EYS: variants seen among roughly 807,000 people sequenced by gnomAD.
The protein encoded by EYS is protein eyes shut homolog.
Under a neutral mutation model 282.1 loss-of-function variants are expected in EYS, and 250 were observed. The observed-to-expected ratio is 0.89, with a 90% CI of 0.80 to 0.98. The LOEUF (loss-of-function observed/expected upper bound fraction) is 0.98. EYS is among the 50% of genes least tolerant of loss of function. The probability of loss-of-function intolerance (pLI) is 0.00; values close to 1 mark genes in which losing one functional copy is unlikely to be tolerated. For missense variants in EYS, 4,016 were observed against 3,709.0 expected (o/e 1.08, Z -2.15); for synonymous variants, 1,355 against 1,282.9 (o/e 1.06, Z -1.20).
intron 22 of EYS, among the ~76,000 whole-genome samples, chr6:64,757,741 T>C (rs1772995355): frequency 9.8e-6 from 1 of 102,016 alleles, no homozygotes; most frequent in African/African-American, 3.3e-5. Flanking sequence ...TTTCTTTTTT[T>C]CTTTGTGTGT....
At chr6:65,049,490 T>A (rs1231445803) in intron 13 of EYS, among the ~76,000 whole-genome samples, 1 of 151,776 alleles carries the variant, frequency 6.6e-6, no homozygotes, top group Non-Finnish European at 1.5e-5. Context: ...TTGACACATT[T>A]GAATAGATTT....
At chr6:64,209,854 A>G (rs977657325) in intron 31 of EYS, among the ~76,000 whole-genome samples, 1 of 152,122 alleles carries the variant, frequency 6.6e-6, no homozygotes, top group Admixed American at 6.6e-5. Context: ...TGGAAAGTCC[A>G]GTATCATTTC....
intron 33 of EYS, among the ~76,000 whole-genome samples, chr6:64,001,693 TAAAC>T (rs944293887): frequency 1.3e-5 from 2 of 152,200 alleles, no homozygotes; most frequent in Admixed American, 6.5e-5. Flanking sequence ...ATCCAGCTCT[TAAAC>T]AAGAGTTATA....
chr6:65,515,762 A>C lies in EYS; in HGVS notation c.-332-19769T>G, dbSNP rs559588619. Among the ~76,000 whole-genome samples, 999 of 124,648 alleles carry C rather than the reference A, an allele frequency of 8.0e-3. 13 individuals carry two copies. The highest frequency in any genetic ancestry group is 0.027 in the African/African-American group (887 of 32,494). 81.8% of individuals were successfully genotyped at this position (124,648 alleles called of 152,430 possible). ...ACAATGAGAACACACGGACACAGGA[A>C]GGGGAACATCACACTCTGGGGACTG... On this transcript the variant is annotated intron_variant, in intron 2 of 42. Coordinates refer to ENST00000503581, the MANE Select transcript of EYS (RefSeq NM_001142800.2).
chr6:64,077,111 A>G (rs1476765782), intron 32 of EYS, among the ~76,000 whole-genome samples: 1 of 151,974 alleles, frequency 6.6e-6, no homozygotes, highest in Non-Finnish European at 1.5e-5. Flanking sequence ...TCAGCCATCC[A>G]TGTTTGCAAC....
intron 35 of EYS, among the ~76,000 whole-genome samples, chr6:63,921,634 T>C (rs973693193): frequency 1.3e-5 from 2 of 152,114 alleles, no homozygotes; most frequent in Non-Finnish European, 2.9e-5. Flanking sequence ...TCCTTATGGA[T>C]AAAATCATAA....
At chr6:65,282,392 T>A (rs549532718) in intron 12 of EYS, among the ~76,000 whole-genome samples, 2 of 152,064 alleles carry the variant, frequency 1.3e-5, no homozygotes, top group Admixed American at 1.3e-4. Context: ...AACAATATAC[T>A]GAATAACAAA....
intron 1 of EYS, among the ~76,000 whole-genome samples, chr6:65,690,740 C>G (rs949657024): frequency 1.3e-5 from 2 of 150,018 alleles, no homozygotes; most frequent in African/African-American, 4.9e-5. Context: ...AGCCCCCCAG[C>G]CCACAACAGG....
At chr6:63,851,086 A>G (rs755297380) in intron 36 of EYS, among the ~76,000 whole-genome samples, 1 of 152,256 alleles carries the variant, frequency 6.6e-6, no homozygotes, top group Non-Finnish European at 1.5e-5. Context: ...GAAGGGCATT[A>G]CATAATGTAA....
At chr6:64,885,511 T>C (rs949416002) in intron 19 of EYS, among the ~76,000 whole-genome samples, 1 of 151,778 alleles carries the variant, frequency 6.6e-6, no homozygotes, top group African/African-American at 2.4e-5. Flanking sequence ...GTGAATGGCA[T>C]TGCTGAGTGG....
intron 30 of EYS, among the ~76,000 whole-genome samples, chr6:64,276,410 C>G (rs1236741902): frequency 6.6e-6 from 1 of 152,084 alleles, no homozygotes; most frequent in Admixed American, 6.6e-5. Flanking sequence ...CAATGAGTTC[C>G]ATCATAGTTC....
At chr6:64,426,829 C>T (rs1774425316) in intron 28 of EYS, among the ~76,000 whole-genome samples, 1 of 152,128 alleles carries the variant, frequency 6.6e-6, no homozygotes, top group East Asian at 1.9e-4. Flanking sequence ...AAATGGAAGT[C>T]TCCAGCTATG....
chr6:65,704,539 T>C lies in EYS; in HGVS notation c.-448+2596A>G, dbSNP rs149119315. 5.9e-5 allele frequency among the ~76,000 whole-genome samples: 9 copies of C among 152,334 alleles called. No homozygotes were observed. In the East Asian group the frequency reaches 1.7e-3, roughly 29 times the overall value. ...GTGTGCTTGATGGAGAGTATATCTC[T>C]TCAGACTTTGATGTGGTTCTATTTC... On this transcript the variant is annotated intron_variant, in intron 1 of 42. Coordinates refer to ENST00000503581, the MANE Select transcript of EYS (RefSeq NM_001142800.2).
chr6:63,902,771 A>G (rs1047780246), intron 35 of EYS, among the ~76,000 whole-genome samples: 1 of 152,164 alleles, frequency 6.6e-6, no homozygotes, highest in Non-Finnish European at 1.5e-5. Flanking sequence ...TATGCTAAAA[A>G]TATTGACTGT....
Position 64,198,085 on chromosome 6 carries a change from C to T in EYS, c.6424+32507G>A, listed in dbSNP as rs562840112. On this transcript the variant is annotated intron_variant, in intron 31 of 42. Transcript: ENST00000503581. Reference sequence around the variant, plus strand: ...TCGGCTCACTGCAAGCTCCGCTTCCCGGGTTCACGCCATTCTCCTGCCTCA... The same window carrying T: ...TCGGCTCACTGCAAGCTCCGCTTCCTGGGTTCACGCCATTCTCCTGCCTCA... Among the ~76,000 whole-genome samples, 341 of 151,904 alleles carry T rather than the reference C, an allele frequency of 2.2e-3. 1 individual carries two copies. The highest frequency in any genetic ancestry group is 7.4e-3 in the African/African-American group (306 of 41,476).
At chr6:65,460,671 C>T (rs1764799830) in intron 5 of EYS, among the ~76,000 whole-genome samples, 1 of 152,078 alleles carries the variant, frequency 6.6e-6, no homozygotes, top group Admixed American at 6.6e-5. Context: ...CAGTCAAGTA[C>T]ATGAACATTT....
At chr6:64,160,542 G>C (rs926332486) in intron 31 of EYS, among the ~76,000 whole-genome samples, 2 of 152,134 alleles carry the variant, frequency 1.3e-5, no homozygotes, top group Admixed American at 6.5e-5. Flanking sequence ...TCAAGATATA[G>C]CTAAAACCAA....
intron 35 of EYS, among the ~76,000 whole-genome samples, chr6:63,976,779 G>A (rs1766855987): frequency 2.6e-5 from 4 of 151,866 alleles, no homozygotes; most frequent in Admixed American, 2.6e-4. Flanking sequence ...GAATTATCTT[G>A]CCAGAATCCT....
chr6:65,541,616 G>A (rs916738494), intron 2 of EYS, among the ~76,000 whole-genome samples: 4 of 151,798 alleles, frequency 2.6e-5, no homozygotes, highest in African/African-American at 9.7e-5. Context: ...AACTTTATCT[G>A]CCTTTCCAAG....
Sources: allele counts gnomAD v4.1 joint callset (sites outside exome capture counted in the v4.1 genomes callset), GRCh38; gene constraint gnomAD v4.1.1; transcripts MANE v1.5; gene names NCBI Gene and HGNC (gene_info 2026-07-23, HGNC 2026-07-21).